The following IFT88 variants were observed in gnomAD, a reference collection of about 807,000 sequenced individuals.
The protein encoded by IFT88 is intraflagellar transport 88, also known as intraflagellar transport protein 88 homolog.
Under a neutral mutation model 119.5 loss-of-function variants are expected in IFT88, and 74 were observed. That is an observed-to-expected ratio of 0.62 (90% confidence interval 0.51 to 0.75). IFT88 has a LOEUF of 0.75. Ranked by LOEUF, IFT88 falls within the 30% of genes least tolerant of loss-of-function variation. The pLI, the probability that IFT88 is intolerant of heterozygous loss-of-function variation, is 0.00. For missense variants in IFT88, 961 were observed against 977.7 expected (o/e 0.98, Z 0.23); for synonymous variants, 279 against 316.7 (o/e 0.88, Z 1.26).
chr13:20,596,493 A>T (rs2041668598), intron 8 of IFT88, among the ~76,000 whole-genome samples: 2 of 152,184 alleles, frequency 1.3e-5, no homozygotes, highest in South Asian at 4.1e-4. Flanking sequence ...TTGTATACTT[A>T]ACTTGGCAGC....
chr13:20,594,553 A>T (rs549214628), intron 7 of IFT88, among the ~76,000 whole-genome samples: 1 of 152,286 alleles, frequency 6.6e-6, no homozygotes, highest in African/African-American at 2.4e-5. Context: ...TTTGCATTTG[A>T]TAGGGACAGG....
intron 7 of IFT88, among the ~76,000 whole-genome samples, chr13:20,593,685 AT>A (rs2041133597): frequency 6.6e-6 from 1 of 152,076 alleles, no homozygotes; most frequent in African/African-American, 2.4e-5. Flanking sequence ...TAATAAAAGC[AT>A]TTTTTATTTA....
intron 24 of IFT88, among the ~76,000 whole-genome samples, chr13:20,674,997 G>GCCA (rs1220313796): frequency 6.6e-6 from 1 of 151,926 alleles, no homozygotes; most frequent in Non-Finnish European, 1.5e-5. Context: ...ACAGGCTTGA[G>GCCA]CCACCGCGCC....
In IFT88 at chr13:20,602,513, C is replaced by T. The variant is rs150842553; in HGVS notation, c.1041+580C>T. Among the ~76,000 whole-genome samples the T allele has an allele frequency of 9.8e-3, 1,494 of 152,148 alleles. 24 individuals carry two copies. The highest frequency in any genetic ancestry group is 0.034 in the African/African-American group (1,403 of 41,522). On this transcript the variant is annotated intron_variant, in intron 12 of 25. Transcript: ENST00000351808. ...AGCCTGGCCAAGGGTAATATCTTGACCAAGAAACCTCCAAATCCTTATTTC... is the reference window on the plus strand; with the variant it reads ...AGCCTGGCCAAGGGTAATATCTTGATCAAGAAACCTCCAAATCCTTATTTC...
intron 19 of IFT88, 30 bp downstream of exon 19, chr13:20,643,635 G>A: frequency 6.7e-7 from 1 of 1,503,060 alleles, no homozygotes; most frequent in Non-Finnish European, 9.0e-7. Flanking sequence ...TTCCTTCTGT[G>A]TTTTAGCATT....
At chr13:20,654,312 GAAAAGCTCACAC>G (rs2052366509) in intron 21 of IFT88, among the ~76,000 whole-genome samples, 1 of 152,196 alleles carries the variant, frequency 6.6e-6, no homozygotes, top group Non-Finnish European at 1.5e-5. Context: ...AGAAGCCTGA[GAAAAGCTCACAC>G]TGAGACAAGT....
chr13:20,688,520 T>G (rs2058181449), intron 24 of IFT88, among the ~76,000 whole-genome samples: 1 of 152,236 alleles, frequency 6.6e-6, no homozygotes, highest in Non-Finnish European at 1.5e-5. Context: ...GCTGAAAATT[T>G]GATTTAAAGT....
At chr13:20,652,165 A>G (rs1029129375) in intron 20 of IFT88, among the ~76,000 whole-genome samples, 15 of 152,236 alleles carry the variant, frequency 9.9e-5, no homozygotes. Context: ...AACATTGTGA[A>G]TGTGATAAAT....
chr13:20,679,854 G>A (rs59623988), intron 24 of IFT88, among the ~76,000 whole-genome samples: 38,925 of 151,974 alleles, frequency 0.26, 6,513 homozygotes, highest in African/African-American at 0.47. Flanking sequence ...TGGGGTTGAG[G>A]TACCACTATA....
At chr13:20,604,948 T>C in intron 12 of IFT88, 87 bp from the exon 13 acceptor site, 1 of 659,320 alleles carries the variant, frequency 1.5e-6, no homozygotes, top group Non-Finnish European at 2.7e-6. Context: ...AGAGTGAGGC[T>C]GTATCTCAAA....
chr13:20,653,829 C>T (rs1415656218), intron 20 of IFT88, 47 bp from the exon 21 acceptor site: 2 of 1,088,142 alleles, frequency 1.8e-6, no homozygotes, highest in Admixed American at 4.9e-5. Context: ...AACTGAGCAT[C>T]ACAGATTTTT....
At chr13:20,659,209 T>G (rs2053387597) in intron 22 of IFT88, among the ~76,000 whole-genome samples, 1 of 152,328 alleles carries the variant, frequency 6.6e-6, no homozygotes, top group African/African-American at 2.4e-5. Context: ...ATTAAGTGTT[T>G]CTGGCTGTGC....
rs1232772783 is a variant in IFT88 at position 20,626,393 on chromosome 13, T to TTG, written c.1299+544_1299+545insTG. Among the ~76,000 whole-genome samples the TTG allele has an allele frequency of 8.5e-5, 13 of 152,290 alleles. No individual in the cohort carries two copies. In the South Asian group the frequency reaches 2.5e-3, roughly 29 times the overall value. On this transcript the variant is annotated intron_variant, in intron 15 of 25. Coordinates refer to ENST00000351808, the MANE Select transcript of IFT88 (RefSeq NM_006531.5). ...TTAAAATGTAAATACTTTCTTTGTA[T>TTG]AGCATGGTTGCTAAATTATAAACCA...
At chr13:20,666,418 G>A (rs1329755634) in intron 23 of IFT88, among the ~76,000 whole-genome samples, 1 of 152,190 alleles carries the variant, frequency 6.6e-6, no homozygotes, top group Non-Finnish European at 1.5e-5. Context: ...ACAGGTGGCA[G>A]TTTGTGGGCC....
At chr13:20,618,829 T>G (rs2046047320) in intron 14 of IFT88, among the ~76,000 whole-genome samples, 1 of 150,774 alleles carries the variant, frequency 6.6e-6, no homozygotes, top group Non-Finnish European at 1.5e-5. Flanking sequence ...TCTGTTAACT[T>G]CTTTGTATAT....
intron 2 of IFT88, among the ~76,000 whole-genome samples, chr13:20,576,850 C>T (rs959489646): frequency 2.0e-5 from 3 of 152,078 alleles, no homozygotes; most frequent in South Asian, 2.1e-4. Flanking sequence ...TATTCTGGGT[C>T]TTTTGTAGTT....
chr13:20,651,707 T>C (rs1043431330), intron 20 of IFT88, among the ~76,000 whole-genome samples: 6 of 151,730 alleles, frequency 4.0e-5, no homozygotes, highest in Non-Finnish European at 5.9e-5. Flanking sequence ...TTAGTTATTA[T>C]TATTAACCTC....
At chr13:20,589,915 T>C in intron 4 of IFT88, 48 bp downstream of exon 4, 1 of 1,089,480 alleles carries the variant, frequency 9.2e-7, no homozygotes, top group Non-Finnish European at 1.4e-6. Flanking sequence ...TCTCATACAA[T>C]AGTTCACTTT....
chr13:20,572,687 A>G (rs938592002), intron 1 of IFT88, among the ~76,000 whole-genome samples: 38 of 152,202 alleles, frequency 2.5e-4, no homozygotes, highest in Admixed American at 2.5e-3. Flanking sequence ...GTTTTCACAA[A>G]TGCATACACT....
Sources: allele counts gnomAD v4.1 joint callset (sites outside exome capture counted in the v4.1 genomes callset), GRCh38; gene constraint gnomAD v4.1.1; transcripts MANE v1.5; gene names NCBI Gene and HGNC (gene_info 2026-07-23, HGNC 2026-07-21).